Variants in AKR1C3 observed in about 807,000 individuals in gnomAD.
AKR1C3 encodes the protein aldo-keto reductase family 1 member C3.
A neutral mutation model predicts 43.6 loss-of-function variants in AKR1C3; 48 were observed. That is an observed-to-expected ratio of 1.10 (90% CI 0.87 to 1.40). AKR1C3 has a LOEUF of 1.40. Among genes scored for constraint, AKR1C3 ranks in the 40% most tolerant of loss-of-function variants. The probability of loss-of-function intolerance (pLI) is 0.00; values close to 1 mark genes in which losing one functional copy is unlikely to be tolerated. For missense variants in AKR1C3, 482 were observed against 391.2 expected, an observed-to-expected ratio of 1.23 and a Z score of -1.96; for synonymous variants, 162 against 139.6, an observed-to-expected ratio of 1.16 and a Z score of -1.13.
At chr10:5,063,648 G>A (rs373894039) in intron 1 of AKR1C3, among the ~76,000 whole-genome samples, 1 of 150,968 alleles carries the variant, frequency 6.6e-6, no homozygotes, top group East Asian at 2.0e-4. Flanking sequence ...TAAGCCAGGT[G>A]TAGTGGTGCA....
chr10:5,052,200 G>A (rs1420573187), intron 1 of AKR1C3, among the ~76,000 whole-genome samples: 1 of 152,126 alleles, frequency 6.6e-6, no homozygotes, highest in East Asian at 1.9e-4. Context: ...AAGGTGGCAC[G>A]TCTGGAGTTG....
At chr10:5,105,373 G>T in intron 7 of AKR1C3, 1 of 358,108 alleles carries the variant, frequency 2.8e-6, no homozygotes, top group Non-Finnish European at 5.1e-6. Context: ...TTTTCTCTTT[G>T]TCTGCAGAGT....
intron 1 of AKR1C3, among the ~76,000 whole-genome samples, chr10:5,085,007 A>G (rs1207724564): frequency 3.3e-5 from 5 of 152,318 alleles, no homozygotes; most frequent in African/African-American, 7.2e-5. Context: ...TAGATACACA[A>G]TCATGTCATC....
Position 5,099,443 on chromosome 10 carries a change from C to T in AKR1C3, c.564C>T (p.Cys188=), listed in dbSNP as rs782431744. ...NKPGLKYKPV[C]NQVECHPYFN... ...CAGGACTCAAGTACAAGCCTGTCTG[C>T]AACCAGGTGAGCTCCCTTGGCCTTC... Residue 188 remains cysteine, a synonymous_variant, in exon 5 of 9, where the codon TGC becomes TGT. Coordinates refer to ENST00000380554, the MANE Select transcript of AKR1C3 (RefSeq NM_003739.6). 1.9e-6 allele frequency: 3 copies of T among 1,614,214 alleles called. No individual in the cohort carries two copies. The highest frequency in any genetic ancestry group is 2.2e-5 in the South Asian group (2 of 91,082).
chr10:5,064,332 A>G (rs529412685), intron 1 of AKR1C3, among the ~76,000 whole-genome samples: 5,773 of 151,896 alleles, frequency 0.038, 371 homozygotes, highest in African/African-American at 0.13. Context: ...AGCCATGTGC[A>G]GAAGATTGAA....
intron 1 of AKR1C3, among the ~76,000 whole-genome samples, chr10:5,076,171 T>C (rs782389950): frequency 6.6e-6 from 1 of 152,204 alleles, no homozygotes; most frequent in Non-Finnish European, 1.5e-5. Flanking sequence ...ACTCTAGTAG[T>C]TGTGTCCTAG....
chr10:5,073,988 A>C (rs1838661257), intron 1 of AKR1C3, among the ~76,000 whole-genome samples: 1 of 151,630 alleles, frequency 6.6e-6, no homozygotes, highest in African/African-American at 2.4e-5. Context: ...CATTCTATTC[A>C]AAGTCACCCG....
chr10:5,102,206 C>G lies in AKR1C3; in HGVS notation c.676C>G (p.Arg226Gly). 1 of 1,611,724 alleles carries G rather than the reference C, an allele frequency of 6.2e-7. No individual in the cohort carries two copies. Among genetic ancestry groups the G allele is most frequent in the Non-Finnish European group, 8.5e-7 (1 of 1,178,222 alleles). ...TGCTCTGGGATCTCAACGAGACAAA[C>G]GATGGTAATAAAAACAATGGGACCT... ...YSALGSQRDK[R>G]WVDPNSPVLL... Residue 226 changes from arginine (R) to glycine (G), a missense_variant, in exon 6 of 9, where the codon CGA (arginine) becomes GGA (glycine). By Grantham distance (125) the Arg-to-Gly change is moderately radical. Transcript: ENST00000380554.
At chr10:5,061,379 C>T (rs1554780225) in intron 1 of AKR1C3, among the ~76,000 whole-genome samples, 1 of 152,094 alleles carries the variant, frequency 6.6e-6, no homozygotes, top group Admixed American at 6.5e-5. Context: ...ACAGGATGAC[C>T]AGGAATCCAT....
intron 5 of AKR1C3, 126 bp from the exon 6 acceptor site, chr10:5,101,975 C>T (rs1005159724): frequency 4.9e-6 from 3 of 613,670 alleles, no homozygotes; most frequent in Non-Finnish European, 8.5e-6. Context: ...TATTACTTGA[C>T]AATAATATCC....
At chr10:5,085,470 C>T (rs1240437314) in intron 1 of AKR1C3, among the ~76,000 whole-genome samples, 4 of 151,760 alleles carry the variant, frequency 2.6e-5, no homozygotes, top group Non-Finnish European at 4.4e-5. Context: ...CTGCTGGATT[C>T]GGTTTGCCAG....
intron 1 of AKR1C3, chr10:5,081,674 C>CTAG (rs1357198717): frequency 6.6e-6 from 1 of 152,156 alleles, no homozygotes; most frequent in African/African-American, 2.4e-5. Context: ...ATTCTGCCTC[C>CTAG]TTTCTAGGTG....
At chr10:5,095,498 G>C (rs1839184767) in intron 1 of AKR1C3, among the ~76,000 whole-genome samples, 1 of 145,416 alleles carries the variant, frequency 6.9e-6, no homozygotes, top group African/African-American at 2.5e-5. Flanking sequence ...AAAAAAAAAA[G>C]ACTGTTCTCA....
At chr10:5,102,967 G>C (rs1253119396) in intron 7 of AKR1C3, among the ~76,000 whole-genome samples, 1 of 150,378 alleles carries the variant, frequency 6.6e-6, no homozygotes, top group Non-Finnish European at 1.5e-5. Context: ...TTGAGACAGA[G>C]TCTCATTCTG....
intron 1 of AKR1C3, among the ~76,000 whole-genome samples, chr10:5,088,992 G>A (rs1839030277): frequency 6.6e-6 from 1 of 151,922 alleles, no homozygotes; most frequent in Non-Finnish European, 1.5e-5. Context: ...TAGTCTAGTG[G>A]TGACAAATTC....
Position 5,096,441 on chromosome 10 carries a change from A to C in AKR1C3, c.116A>C (p.Lys39Thr). ...AGAAGTAAAGCTTTGGAGGTCACAAAATTAGCAATAGAAGCTGGGTTCCGC... is the reference window on the plus strand; with the variant it reads ...AGAAGTAAAGCTTTGGAGGTCACAACATTAGCAATAGAAGCTGGGTTCCGC... ...VPRSKALEVT[K>T]LAIEAGFRHI... Residue 39 changes from lysine to threonine, a missense_variant, in exon 2 of 9, where the codon AAA (lysine) becomes ACA (threonine). Coordinates refer to ENST00000380554, the MANE Select transcript of AKR1C3 (RefSeq NM_003739.6). 1 of 1,613,640 alleles carries C rather than the reference A, an allele frequency of 6.2e-7. No homozygotes were observed. The highest frequency in any genetic ancestry group is 8.5e-7 in the Non-Finnish European group (1 of 1,179,626).
intron 2 of AKR1C3, among the ~76,000 whole-genome samples, chr10:5,096,977 A>AT (rs1456363954): frequency 3.3e-5 from 5 of 152,182 alleles, no homozygotes; most frequent in African/African-American, 1.2e-4. Flanking sequence ...GGAGTATTAA[A>AT]TAATAGACAC....
rs782749815 is a variant in AKR1C3, at chr10:5,096,404, C to T, written c.85-6C>T. 2 of 1,612,182 alleles carry T rather than the reference C, an allele frequency of 1.2e-6. No homozygotes were observed. Among genetic ancestry groups the T allele is most frequent in the South Asian group, 1.1e-5 (1 of 90,840 alleles). On this transcript the variant is annotated splice_polypyrimidine_tract_variant and splice_region_variant and intron_variant, in intron 1 of 8. Transcript: ENST00000380554. Reference sequence around the variant, plus strand: ...CACCAGATACTACCTTTGGTTGCTCCTCCAGGTTCCGAGAAGTAAAGCTTT... The same window carrying T: ...CACCAGATACTACCTTTGGTTGCTCTTCCAGGTTCCGAGAAGTAAAGCTTT...
upstream of AKR1C3, among the ~76,000 whole-genome samples, chr10:5,089,993 A>G (rs1284518785): frequency 3.3e-5 from 5 of 152,136 alleles, no homozygotes; most frequent in East Asian, 1.9e-4. Flanking sequence ...CAATAGCCCT[A>G]TGGCACTTGT....
Sources: gnomAD v4.1 joint callset for allele counts (sites outside exome capture counted in the v4.1 genomes callset) on GRCh38, gnomAD v4.1.1 for gene constraint, MANE v1.5 for transcripts, NCBI Gene and HGNC (gene_info 2026-07-23, HGNC 2026-07-21) for gene names.